Variants in ZER1 observed in about 807,000 individuals in gnomAD.
ZER1 encodes zyg-11 related cell cycle regulator.
A neutral mutation model predicts 78.8 loss-of-function variants in ZER1; 11 were observed. That is an observed-to-expected ratio of 0.14 (90% confidence interval 0.09 to 0.23). ZER1 has a LOEUF of 0.23. ZER1 is among the 10% of genes least tolerant of loss of function. ZER1 has a pLI of 1.00. For missense variants in ZER1, 588 were observed against 996.9 expected, an observed-to-expected ratio of 0.59 and a Z score of 5.52; for synonymous variants, 400 against 407.0, an observed-to-expected ratio of 0.98 and a Z score of 0.21.
chr9:128,767,070 G>A (rs1037710472), intron 1 of ZER1, among the ~76,000 whole-genome samples: 1 of 151,386 alleles, frequency 6.6e-6, no homozygotes, highest in East Asian at 2.0e-4. Flanking sequence ...AGCCAACCAA[G>A]TAGCTGGGAT....
At chr9:128,759,877 T>G (rs781053734) in intron 1 of ZER1, among the ~76,000 whole-genome samples, 13 of 152,248 alleles carry the variant, frequency 8.5e-5, no homozygotes, top group East Asian at 1.9e-4. Context: ...TGTTTGTTTG[T>G]TTGGTTGGTT....
chr9:128,759,990 C>G (rs1253943043), intron 1 of ZER1, among the ~76,000 whole-genome samples: 2 of 152,016 alleles, frequency 1.3e-5, no homozygotes, highest in Non-Finnish European at 2.9e-5. Context: ...AGCGATCCTC[C>G]CACCTCAGCC....
Position 128,762,917 on chromosome 9 carries a change from G to C in ZER1, c.-94-7258C>G, listed in dbSNP as rs527645893. 1.6e-3 allele frequency among the ~76,000 whole-genome samples: 237 copies of C among 152,292 alleles called. 1 individual carries two copies. Among genetic ancestry groups the C allele is most frequent in the African/African-American group, 5.4e-3 (224 of 41,564 alleles). ...AACCAGAGGGAGCACTGCTGGCAGA[G>C]AGTCCCCACTCTTGGAAAGCAACTC... On this transcript the variant is annotated intron_variant, in intron 1 of 15. Coordinates refer to ENST00000291900, the MANE Select transcript of ZER1 (RefSeq NM_006336.4).
Position 128,751,257 on chromosome 9 carries a change from G to C in ZER1, c.1050C>G (p.Asp350Glu). 1 of 1,598,206 alleles carries C rather than the reference G, an allele frequency of 6.3e-7. No individual in the cohort carries two copies. The highest frequency in any genetic ancestry group is 8.6e-7 in the Non-Finnish European group (1 of 1,166,964). ...THIPAYKVSGDKNEEQVLNAI... is the reference protein window; with the variant it reads ...THIPAYKVSGEKNEEQVLNAI... ...CATTCAGCACCTGCTCTTCGTTTTT[G>C]TCACCACTTACCTGCGGGTGGGACA... The change falls in exon 7 of 16, where the codon GAC (aspartate) becomes GAG (glutamate). Residue 350 changes from aspartate to glutamate, a missense_variant. Coordinates refer to ENST00000291900, the MANE Select transcript of ZER1 (RefSeq NM_006336.4). This position sits in a 1 kb window ranked among gnomAD's most constrained non-coding sequence, Gnocchi z 5.4.
At chr9:128,734,849 T>G (rs28626849) in intron 14 of ZER1, among the ~76,000 whole-genome samples, 11,396 of 151,596 alleles carry the variant, frequency 0.075, 1,457 homozygotes, top group African/African-American at 0.26. Context: ...GGTATGTGTT[T>G]TTTTTTTTTT....
chr9:128,761,445 C>A (rs1864042488), intron 1 of ZER1, among the ~76,000 whole-genome samples: 1 of 151,838 alleles, frequency 6.6e-6, no homozygotes, highest in South Asian at 2.1e-4. Context: ...TGCCCCTACA[C>A]CCGGCTAATT....
chr9:128,746,117 G>C (rs1863479910), intron 8 of ZER1: 1 of 152,208 alleles, frequency 6.6e-6, no homozygotes, highest in South Asian at 2.1e-4. Context: ...GAGGATTACA[G>C]GCATGAGCCA....
At chr9:128,762,743 C>A (rs1256700406) in intron 1 of ZER1, among the ~76,000 whole-genome samples, 1 of 152,202 alleles carries the variant, frequency 6.6e-6, no homozygotes, top group Admixed American at 6.5e-5. Context: ...CAACAAGGCT[C>A]ATTGTGTCAG....
intron 8 of ZER1, among the ~76,000 whole-genome samples, chr9:128,748,181 G>A (rs552101568): frequency 1.7e-4 from 26 of 152,134 alleles, no homozygotes; most frequent in South Asian, 6.2e-4. Context: ...CGACGCAGGC[G>A]GATCATGAGG....
In ZER1 at chr9:128,754,377, CTGTT is replaced by C. The variant is rs532269822; in HGVS notation, c.159-422_159-419del. Among the ~76,000 whole-genome samples, 92 of 152,206 alleles carry C rather than the reference CTGTT, an allele frequency of 6.0e-4. No individual in the cohort carries two copies. The highest frequency in any genetic ancestry group is 1.1e-3 in the Non-Finnish European group (78 of 68,038). On this transcript the variant is annotated intron_variant, in intron 2 of 15. Coordinates refer to ENST00000291900, the MANE Select transcript of ZER1 (RefSeq NM_006336.4). This position sits in a 1 kb window ranked among gnomAD's most constrained non-coding sequence, Gnocchi z 4.3. ...TACAGGACAAGCCCTTAATGAAGCC[CTGTT>C]GAGACATCAGCTCATGCAAGAATCC...
At position 128,750,789 on chromosome 9, in the gene ZER1, G is replaced by A; in HGVS notation, c.1186C>T (p.Leu396=). The stretch of plus-strand genomic sequence containing the variant: ...TGGCACTTGAGGGCCGTGATGACCA[G>A]CTGTATGAAGACAAGGGGGACCTGG... The part of the protein sequence containing the change: ...RCNQLLRALK[L]VITALKCHKY... Residue 396 remains leucine (L), a splice_region_variant and synonymous_variant, in exon 8 of 16, where the codon CTG becomes TTG. Transcript: ENST00000291900. 6.2e-7 allele frequency: 1 copy of A among 1,614,190 alleles called. No individual in the cohort carries two copies. Among genetic ancestry groups the A allele is most frequent in the Non-Finnish European group, 8.5e-7 (1 of 1,180,016 alleles).
intron 1 of ZER1, among the ~76,000 whole-genome samples, chr9:128,766,389 T>C (rs988631028): frequency 6.6e-6 from 1 of 150,692 alleles, no homozygotes; most frequent in Non-Finnish European, 1.5e-5. Context: ...GTATTTTATA[T>C]GTGTTAATTA....
Position 128,759,338 on chromosome 9 carries a change from T to C in ZER1, c.-94-3679A>G, listed in dbSNP as rs1243519639. On this transcript the variant is annotated intron_variant, in intron 1 of 15. Coordinates refer to ENST00000291900, the MANE Select transcript of ZER1 (RefSeq NM_006336.4). Reference sequence around the variant, plus strand: ...GGTGCCTGCCACCACACCCAGCTAATTTTTTTTTTTTTTTTTTTGGTAGAG... The same window carrying C: ...GGTGCCTGCCACCACACCCAGCTAACTTTTTTTTTTTTTTTTTTGGTAGAG... 4.2e-5 allele frequency among the ~76,000 whole-genome samples: 4 copies of C among 94,356 alleles called. No individual in the cohort carries two copies. The South Asian group carries it at 1.3e-3, about 32-fold the overall frequency. The allele number at this position is 94,356 out of a possible 152,430, so 61.9% of individuals were successfully genotyped here.
chr9:128,735,528 C>A, intron 13 of ZER1, 97 bp from the exon 14 acceptor site: 2 of 1,187,458 alleles, frequency 1.7e-6, no homozygotes, highest in South Asian at 1.5e-5. Context: ...TCCTAGTGAC[C>A]AACCATGATA....
Position 128,755,341 on chromosome 9 carries a change from G to A in ZER1, c.158+67C>T, listed in dbSNP as rs1863822619. 3.2e-6 allele frequency: 5 copies of A among 1,587,268 alleles called. No homozygotes were observed. The highest frequency in any genetic ancestry group is 1.3e-5 in the African/African-American group (1 of 74,566). ...GCTACTCCCCACATAGTGCACACACGGTCCCAATCTCTCTATACACATTCA... is the reference window on the plus strand; with the variant it reads ...GCTACTCCCCACATAGTGCACACACAGTCCCAATCTCTCTATACACATTCA... On this transcript the variant is annotated intron_variant, in intron 2 of 15. Coordinates refer to ENST00000291900, the MANE Select transcript of ZER1 (RefSeq NM_006336.4). The surrounding 1 kb of genome is among the most constrained non-coding windows in gnomAD (Gnocchi z 5.6).
intron 13 of ZER1, among the ~76,000 whole-genome samples, chr9:128,737,132 A>C (rs1244002131): frequency 2.0e-5 from 3 of 151,984 alleles, no homozygotes; most frequent in Non-Finnish European, 2.9e-5. Flanking sequence ...TGACAGTGCG[A>C]GACTCCGTCT....
In ZER1 at chr9:128,739,881, C is replaced by A. The variant is rs758695841; in HGVS notation, c.2042+50G>T. The A allele has an allele frequency of 3.2e-6, 5 of 1,572,370 alleles. No homozygotes were observed. The East Asian group carries it at 1.1e-4, about 36-fold the overall frequency. On this transcript the variant is annotated intron_variant, in intron 13 of 15. Transcript: ENST00000291900. ...TTAATGGTATGAGCATCCTGCCCAG[C>A]ACTTACCCCATATTCCACACCGCAT...
intron 13 of ZER1, among the ~76,000 whole-genome samples, chr9:128,739,283 A>G (rs938173851): frequency 6.6e-6 from 1 of 151,792 alleles, no homozygotes; most frequent in African/African-American, 2.4e-5. Flanking sequence ...TGGGCGGATC[A>G]CGAGGTCAGG....
chr9:128,771,883 G>C lies in ZER1; in HGVS notation c.-397C>G, dbSNP rs1479086372. The C allele has an allele frequency of 1.3e-5, 2 of 152,340 alleles. No homozygotes were observed. Among genetic ancestry groups the C allele is most frequent in the Non-Finnish European group, 2.9e-5 (2 of 68,148 alleles). 9.4% of individuals were successfully genotyped at this position (152,340 alleles called of 1,614,324 possible). A position where few individuals can be genotyped will look rare whatever the true frequency, so the allele number is the denominator to read the frequency against. ...GCCCCTCCCCCGATCCGGCTCCTAC[G>C]GCTCGGAGCCTGCAGCCGCCGCCGC... is the stretch of plus-strand genomic sequence containing the variant. On this transcript the variant is annotated 5_prime_UTR_variant, in exon 1 of 16. Transcript: ENST00000291900.
Sources: allele counts gnomAD v4.1 joint callset (sites outside exome capture counted in the v4.1 genomes callset), GRCh38; gene constraint gnomAD v4.1.1; non-coding constraint Gnocchi (gnomAD v3.1); transcripts MANE v1.5; gene names NCBI Gene and HGNC (gene_info 2026-07-23, HGNC 2026-07-21).